Variants in EXOC7 observed in about 807,000 individuals in gnomAD.
The protein encoded by EXOC7 is exocyst complex component Exo70.
In EXOC7, 51 loss-of-function variants were observed where a neutral mutation model predicts 87.6. That is an observed-to-expected ratio of 0.58 (90% CI 0.46 to 0.73). The LOEUF is 0.73. EXOC7 is among the 30% of genes least tolerant of loss of function. The pLI is 0.00. For missense variants in EXOC7, 744 were observed against 888.4 expected, an observed-to-expected ratio of 0.84 and a Z score of 2.07; for synonymous variants, 327 against 357.1, an observed-to-expected ratio of 0.92 and a Z score of 0.95.
intron 12 of EXOC7, 174 bp downstream of exon 12, chr17:76,087,480 A>T (rs952090864): frequency 1.6e-6 from 1 of 629,870 alleles, no homozygotes; most frequent in African/African-American, 1.8e-5. Flanking sequence ...CTGGTCTTGA[A>T]AGGTGCAGGC....
intron 15 of EXOC7, chr17:76,084,861 G>C (rs2067140134): frequency 5.7e-6 from 3 of 523,726 alleles, no homozygotes; most frequent in African/African-American, 5.7e-5. Flanking sequence ...TGGAGAAACA[G>C]ATGAGAAAGA....
chr17:76,085,033 C>G (rs2144593412), intron 15 of EXOC7: 1 of 509,096 alleles, frequency 2.0e-6, no homozygotes, highest in Middle Eastern at 5.2e-4. Flanking sequence ...CCTAGGTAAA[C>G]ATTACCCACG....
At chr17:76,097,645 C>CAA (rs1567983796) in intron 5 of EXOC7, 151 bp downstream of exon 5, 1 of 574,544 alleles carries the variant, frequency 1.7e-6, no homozygotes, top group Non-Finnish European at 2.9e-6. Context: ...GCAGAGGCTG[C>CAA]AGCAAGCCGA....
chr17:76,091,221 C>A lies in EXOC7; in HGVS notation c.823G>T (p.Ala275Ser). Residue 275 changes from alanine to serine, a missense_variant, in exon 7 of 19, where the codon GCT (alanine) becomes TCT (serine). Transcript: ENST00000589210. ...PVKRPGTIRK[A>S]QNLLKQYSQH... ...GAATACTGTTTCAGAAGGTTCTGAG[C>A]CTTACGGATCGTCCCTGTCACCAGA... The A allele has an allele frequency of 1.2e-6, 2 of 1,614,114 alleles. No homozygotes were observed. The highest frequency in any genetic ancestry group is 1.7e-6 in the Non-Finnish European group (2 of 1,180,014).
rs767285932 is a variant in EXOC7, at chr17:76,103,616, C to A, written c.60+17G>T. ...TTTCCCTCACCTCCTCCCCAGCCTC[C>A]CCAGGCCCACGCCCACCTGCTTCAG... is the stretch of plus-strand genomic sequence containing the variant. On this transcript the variant is annotated intron_variant, in intron 1 of 18. Transcript: ENST00000589210. The A allele has an allele frequency of 4.3e-6, 7 of 1,613,206 alleles. No homozygotes were observed. Among genetic ancestry groups the A allele is most frequent in the Non-Finnish European group, 5.9e-6 (7 of 1,179,674 alleles).
chr17:76,089,102 T>C, intron 8 of EXOC7, 73 bp downstream of exon 8: 1 of 1,592,182 alleles, frequency 6.3e-7, no homozygotes, highest in Middle Eastern at 2.0e-4. Flanking sequence ...GTGGGTGGAG[T>C]TGAGGGCTGC....
chr17:76,093,140 A>G (rs2067577834), intron 6 of EXOC7: 1 of 152,912 alleles, frequency 6.5e-6, no homozygotes, highest in Non-Finnish European at 1.5e-5. Context: ...AAGAGGAAGC[A>G]AGCACAGACT....
chr17:76,087,468 G>A (rs2067262739), intron 12 of EXOC7, 186 bp downstream of exon 12: 6 of 609,792 alleles, frequency 9.8e-6, no homozygotes, highest in Admixed American at 5.9e-5. Flanking sequence ...GAGGTCCAGT[G>A]TCTGGTCTTG....
intron 2 of EXOC7, among the ~76,000 whole-genome samples, chr17:76,102,137 C>T (rs921264983): frequency 6.6e-6 from 1 of 152,196 alleles, no homozygotes; most frequent in Non-Finnish European, 1.5e-5. Flanking sequence ...CCCAAGATGG[C>T]TTCCCTTCCA....
At chr17:76,103,269 C>T in intron 2 of EXOC7, 92 bp downstream of exon 2, 1 of 1,224,162 alleles carries the variant, frequency 8.2e-7, no homozygotes. Flanking sequence ...CATTCCAGAA[C>T]TCCAGGCCGC....
intron 5 of EXOC7, 133 bp from the exon 6 acceptor site, chr17:76,094,714 A>G: frequency 1.2e-6 from 1 of 835,980 alleles, no homozygotes; most frequent in Non-Finnish European, 1.8e-6. Context: ...AGCCACCCAT[A>G]TCTTGTCCCA....
intron 4 of EXOC7, chr17:76,098,223 G>A (rs1162291581): frequency 9.5e-5 from 52 of 547,990 alleles, no homozygotes; most frequent in South Asian, 9.2e-4. Context: ...TGCAACCTCC[G>A]ACTTCCTGGT....
chr17:76,081,911 C>T lies in EXOC7; in HGVS notation c.*1737G>A, dbSNP rs1438454557. On this transcript the variant is annotated 3_prime_UTR_variant, in exon 19 of 19. Coordinates refer to ENST00000589210, the MANE Select transcript of EXOC7 (RefSeq NM_001013839.4). ...CTACTTCACCATCCTGCTGCTGCTG[C>T]TCTTCCTCAGCACCATAGAGACTGT... 6.2e-7 allele frequency: 1 copy of T among 1,611,238 alleles called. No homozygotes were observed. The highest frequency in any genetic ancestry group is 1.7e-5 in the Admixed American group (1 of 59,656).
At chr17:76,083,911 A>G in intron 18 of EXOC7, 95 bp downstream of exon 18, 1 of 1,486,376 alleles carries the variant, frequency 6.7e-7, no homozygotes, top group Non-Finnish European at 9.0e-7. Flanking sequence ...GCCTAAATCC[A>G]CCACCCTTCT....
intron 5 of EXOC7, among the ~76,000 whole-genome samples, chr17:76,096,420 C>G (rs537329240): frequency 6.8e-6 from 1 of 146,004 alleles, no homozygotes; most frequent in South Asian, 2.1e-4. Flanking sequence ...GAGGCTGAGG[C>G]AGAATTGCTT....
At chr17:76,089,028 A>C in intron 8 of EXOC7, 105 bp from the exon 9 acceptor site, 2 of 1,464,326 alleles carry the variant, frequency 1.4e-6, no homozygotes, top group Non-Finnish European at 1.9e-6. Flanking sequence ...GTGCAGGAAG[A>C]GGGGTGACGG....
At chr17:76,085,479 G>T in intron 14 of EXOC7, 70 bp from the exon 15 acceptor site, 1 of 1,521,704 alleles carries the variant, frequency 6.6e-7, no homozygotes, top group Non-Finnish European at 9.0e-7. Context: ...CTGCGGCAAT[G>T]CCGGGAGGGC....
rs769656224 is a variant in EXOC7, at chr17:76,083,282, C to T, written c.*366G>A. On this transcript the variant is annotated 3_prime_UTR_variant, in exon 19 of 19. Transcript: ENST00000589210. ...CTGTAGGGGAGTTCTCTGTCCCCAC[C>T]TCTGACCTAGGCTGGAGGGAGGGCC... The T allele has an allele frequency of 1.7e-4, 40 of 239,518 alleles. No homozygotes were observed. Among genetic ancestry groups the T allele is most frequent in the Non-Finnish European group, 2.3e-4 (28 of 120,974 alleles). 14.8% of individuals were successfully genotyped at this position (239,518 alleles called of 1,614,324 possible).
intron 11 of EXOC7, 43 bp from the exon 12 acceptor site, chr17:76,087,763 C>G (rs199572128): frequency 3.2e-5 from 50 of 1,543,540 alleles, no homozygotes; most frequent in Non-Finnish European, 4.0e-5. Context: ...GTGGCAGGCC[C>G]GGCCGACGGC....
Sources: gnomAD v4.1 joint callset for allele counts (sites outside exome capture counted in the v4.1 genomes callset) on GRCh38, gnomAD v4.1.1 for gene constraint, MANE v1.5 for transcripts, NCBI Gene and HGNC (gene_info 2026-07-23, HGNC 2026-07-21) for gene names.